GLRA2: variants seen among roughly 807,000 people sequenced by gnomAD.
The protein encoded by GLRA2 is glycine receptor alpha 2, also known as glycine receptor subunit alpha-2.
In GLRA2, 11 loss-of-function variants were observed where a neutral mutation model predicts 31.6. The ratio of observed to expected loss-of-function variants is 0.35; its 90% CI spans 0.22 to 0.58. The LOEUF (loss-of-function observed/expected upper bound fraction) is 0.58, where lower values mean the gene tolerates loss of function less well. Among genes scored for constraint, GLRA2 ranks in the 20% least tolerant of loss-of-function variants. The probability of loss-of-function intolerance (pLI) is 0.84; values close to 1 mark genes in which losing one functional copy is unlikely to be tolerated. For missense variants in GLRA2, 212 were observed against 351.8 expected (o/e 0.60, Z 3.18); for synonymous variants, 132 against 134.0 (o/e 0.99, Z 0.10).
intron 2 of GLRA2, among the ~76,000 whole-genome samples, chrX:14,556,972 G>A (rs868137737): frequency 9.0e-6 from 1 of 111,056 alleles, no homozygotes; most frequent in South Asian, 3.8e-4. Context: ...GATTTAATAA[G>A]CGACTGAGGA....
intron 2 of GLRA2, among the ~76,000 whole-genome samples, chrX:14,565,578 A>G (rs1041818359): frequency 2.7e-5 from 3 of 111,456 alleles, no homozygotes; most frequent in African/African-American, 9.8e-5. Flanking sequence ...CATTTTATCA[A>G]TATATAATAT....
At chrX:14,492,463 AATAC>A in the GLRA2 span, among the ~76,000 whole-genome samples, 4 of 111,988 alleles carry the variant, frequency 3.6e-5, no homozygotes, top group African/African-American at 9.7e-5. Flanking sequence ...TTTTAGATAT[AATAC>A]ATAAATTATC....
At chrX:14,583,456 C>T (rs1184144942) in intron 4 of GLRA2, among the ~76,000 whole-genome samples, 3 of 112,592 alleles carry the variant, frequency 2.7e-5, no homozygotes, top group African/African-American at 3.2e-5. Context: ...GAAAATGTGG[C>T]GGCTGGGCGC....
At chrX:14,627,071 C>T (rs1352311650) in intron 7 of GLRA2, among the ~76,000 whole-genome samples, 1 of 110,736 alleles carries the variant, frequency 9.0e-6, no homozygotes. Context: ...TGGTTATGTT[C>T]GTTTTGTGGT....
chrX:14,730,700 G>A lies in GLRA2; in HGVS notation c.*215G>A. 1 of 401,781 alleles carries A rather than the reference G, an allele frequency of 2.5e-6. No individual in the cohort carries two copies. The highest frequency in any genetic ancestry group is 4.3e-6 in the Non-Finnish European group (1 of 229,973). 33.1% of individuals were successfully genotyped at this position (401,781 alleles called of 1,213,427 possible). On this transcript the variant is annotated 3_prime_UTR_variant, in exon 9 of 9. Transcript: ENST00000218075. ...AAAATTAAGGGGTTGCAGAATCACG[G>A]GAGCATAATAATTCCCTTCCATAAT...
At chrX:14,524,933 C>T (rs2089182824), upstream of GLRA2, among the ~76,000 whole-genome samples, 1 of 110,837 alleles carries the variant, frequency 9.0e-6, no homozygotes, top group Admixed American at 9.7e-5. Flanking sequence ...AAAAGTATGA[C>T]TGTCACTTAA....
chrX:14,559,078 G>C (rs2089689845), intron 2 of GLRA2, among the ~76,000 whole-genome samples: 1 of 111,777 alleles, frequency 8.9e-6, no homozygotes, highest in Admixed American at 9.4e-5. Flanking sequence ...GCCCACCTCT[G>C]CCTCTCAAAG....
At chrX:14,561,527 A>G (rs190753393) in intron 2 of GLRA2, among the ~76,000 whole-genome samples, 41 of 112,498 alleles carry the variant, frequency 3.6e-4, no homozygotes, top group Admixed American at 3.3e-3. Flanking sequence ...GTTATGACAG[A>G]GGCCTTGTGG....
intron 4 of GLRA2, among the ~76,000 whole-genome samples, chrX:14,595,302 T>A (rs1375860937): frequency 8.9e-6 from 1 of 112,020 alleles, no homozygotes; most frequent in African/African-American, 3.2e-5. Context: ...TGTATTTATT[T>A]ATTATATATA....
At chrX:14,685,103 T>C (rs1283638737) in intron 7 of GLRA2, among the ~76,000 whole-genome samples, 1 of 112,146 alleles carries the variant, frequency 8.9e-6, no homozygotes, top group Non-Finnish European at 1.9e-5. Flanking sequence ...GTTCCATTTA[T>C]ACGCTGGATT....
intron 7 of GLRA2, among the ~76,000 whole-genome samples, chrX:14,668,143 C>A (rs1371194049): frequency 8.9e-6 from 1 of 112,002 alleles, no homozygotes; most frequent in Non-Finnish European, 1.9e-5. Context: ...GAGGCCTCAG[C>A]TCTTCACTGG....
chrX:14,625,759 A>G (rs1314838212), intron 7 of GLRA2, among the ~76,000 whole-genome samples: 1 of 111,778 alleles, frequency 8.9e-6, no homozygotes, highest in African/African-American at 3.2e-5. Context: ...AAGTGATTCT[A>G]ATGTGTAGCC....
At chrX:14,660,711 C>T (rs1372575985) in intron 7 of GLRA2, among the ~76,000 whole-genome samples, 1 of 111,221 alleles carries the variant, frequency 9.0e-6, no homozygotes, top group Admixed American at 9.6e-5. Flanking sequence ...TGAAGTAGGG[C>T]CAACAGAACT....
intron 4 of GLRA2, among the ~76,000 whole-genome samples, chrX:14,594,731 C>T (rs1490610282): frequency 1.8e-5 from 2 of 111,585 alleles, no homozygotes; most frequent in African/African-American, 6.5e-5. Flanking sequence ...TCTGAAAGGA[C>T]CACACACAGA....
chrX:14,702,831 G>A (rs922557173), intron 8 of GLRA2, among the ~76,000 whole-genome samples: 4 of 111,447 alleles, frequency 3.6e-5, no homozygotes, highest in Admixed American at 9.5e-5. Flanking sequence ...ACAGGGTTGC[G>A]TGAAAAGGTG....
At chrX:14,665,554 G>A (rs148096830) in intron 7 of GLRA2, among the ~76,000 whole-genome samples, 51 of 111,586 alleles carry the variant, frequency 4.6e-4, no homozygotes, top group African/African-American at 1.5e-3. Flanking sequence ...ATCCTCAAAC[G>A]GCAGATGGCA....
the GLRA2 span, among the ~76,000 whole-genome samples, chrX:14,464,698 A>G: frequency 9.0e-6 from 1 of 111,516 alleles, no homozygotes; most frequent in Non-Finnish European, 1.9e-5. Context: ...CTGGGACTAC[A>G]AGCACCCACC....
At chrX:14,668,289 T>A (rs1218514161) in intron 7 of GLRA2, among the ~76,000 whole-genome samples, 1 of 111,992 alleles carries the variant, frequency 8.9e-6, no homozygotes. Context: ...ATAACCTAAT[T>A]GTGGAAGTAA....
At chrX:14,515,176 C>G in the GLRA2 span, among the ~76,000 whole-genome samples, 1 of 111,485 alleles carries the variant, frequency 9.0e-6, no homozygotes, top group South Asian at 3.7e-4. Context: ...TTGGCAGTTA[C>G]CTTCCCTGAG....
Sources: gnomAD v4.1 joint callset for allele counts (sites outside exome capture counted in the v4.1 genomes callset) on GRCh38, gnomAD v4.1.1 for gene constraint, MANE v1.5 for transcripts, NCBI Gene and HGNC (gene_info 2026-07-23, HGNC 2026-07-21) for gene names.